The following GRM7 variants were observed in gnomAD, a reference collection of about 807,000 sequenced individuals.
GRM7 encodes the protein glutamate metabotropic receptor 7, also known as metabotropic glutamate receptor 7.
A neutral mutation model predicts 84.5 loss-of-function variants in GRM7; 35 were observed. The observed-to-expected ratio is 0.41, with a 90% CI of 0.32 to 0.55. The LOEUF (loss-of-function observed/expected upper bound fraction) is 0.55, where lower values mean the gene tolerates loss of function less well. Among genes scored for constraint, GRM7 ranks in the 20% least tolerant of loss-of-function variants. The pLI, the probability that GRM7 is intolerant of heterozygous loss-of-function variation, is 0.19. For missense variants in GRM7, 1,003 were observed against 1,194.6 expected (o/e 0.84, Z 2.36); for synonymous variants, 487 against 455.1 (o/e 1.07, Z -0.89).
intron 8 of GRM7, among the ~76,000 whole-genome samples, chr3:7,624,563 T>C (rs749310653): frequency 6.6e-6 from 1 of 152,138 alleles, no homozygotes; most frequent in South Asian, 2.1e-4. Flanking sequence ...AAAATTGTAA[T>C]GTAATGGCAC....
chr3:6,962,358 A>G (rs1426717831), intron 1 of GRM7, among the ~76,000 whole-genome samples: 1 of 152,210 alleles, frequency 6.6e-6, no homozygotes, highest in East Asian at 1.9e-4. Context: ...AGAGCTATGA[A>G]TTATATCTAC....
At chr3:7,566,729 T>A (rs191046305) in intron 7 of GRM7, among the ~76,000 whole-genome samples, 1 of 151,018 alleles carries the variant, frequency 6.6e-6, no homozygotes, top group East Asian at 1.9e-4. Flanking sequence ...TGGTATTTTT[T>A]AAAAAGGCAT....
At position 6,862,436 on chromosome 3, in the gene GRM7, G is replaced by A. The variant is rs1412650173; in HGVS notation, c.519+529G>A. On this transcript the variant is annotated intron_variant, in intron 1 of 9. Transcript: ENST00000357716. The surrounding 1 kb of genome is among the most constrained non-coding windows in gnomAD (Gnocchi z 5.2). ...AGGGCTCCGTCTTAACCTAGATGTG[G>A]ATGTTAAGTCCGCATCTCCCTCGGG... Among the ~76,000 whole-genome samples, 1 of 152,088 alleles carries A rather than the reference G, an allele frequency of 6.6e-6. No individual in the cohort carries two copies. Among genetic ancestry groups the A allele is most frequent in the East Asian group, 2.0e-4 (1 of 5,118 alleles).
At chr3:7,670,935 T>C (rs1485185346) in intron 8 of GRM7, among the ~76,000 whole-genome samples, 1 of 152,138 alleles carries the variant, frequency 6.6e-6, no homozygotes, top group Non-Finnish European at 1.5e-5. Flanking sequence ...CTCTCCAGGA[T>C]AACTATAGGG....
intron 1 of GRM7, among the ~76,000 whole-genome samples, chr3:7,018,665 C>A (rs182589064): frequency 8.5e-5 from 13 of 152,256 alleles, no homozygotes; most frequent in Middle Eastern, 6.8e-3. Context: ...GGAAGCTAGT[C>A]AGAGCAAAGA....
At chr3:7,373,222 A>T (rs1386946572) in intron 4 of GRM7, among the ~76,000 whole-genome samples, 1 of 152,190 alleles carries the variant, frequency 6.6e-6, no homozygotes, top group Non-Finnish European at 1.5e-5. Flanking sequence ...AATCCTATTT[A>T]CTAAGTTTTT....
chr3:7,404,225 T>C (rs1220003568), intron 4 of GRM7, among the ~76,000 whole-genome samples: 1 of 152,202 alleles, frequency 6.6e-6, no homozygotes, highest in Non-Finnish European at 1.5e-5. Flanking sequence ...TCAGTAGTTG[T>C]GGATTGTTAC....
chr3:7,724,238 G>T (rs1232109782), intron 9 of GRM7, among the ~76,000 whole-genome samples: 1 of 152,104 alleles, frequency 6.6e-6, no homozygotes, highest in Non-Finnish European at 1.5e-5. Flanking sequence ...GGACATTTTG[G>T]TTAGTGAGGC....
chr3:6,944,581 A>G (rs1372293679), intron 1 of GRM7, among the ~76,000 whole-genome samples: 1 of 152,088 alleles, frequency 6.6e-6, no homozygotes, highest in Non-Finnish European at 1.5e-5. Flanking sequence ...ATTTCCTTAA[A>G]TTTTGTTGAG....
rs1173329964 is a variant in GRM7, at chr3:7,099,750, TGC to T, written c.520-46701_520-46700del. On this transcript the variant is annotated intron_variant, in intron 1 of 9. Transcript: ENST00000357716. ...TGTATATGTACACGCATTATACATG[TGC>T]ACATACATGTATATGTACACGCATT... 2.9e-3 allele frequency among the ~76,000 whole-genome samples: 227 copies of T among 79,474 alleles called. 87 individuals are homozygous for T. In the African/African-American group the frequency reaches 0.033, roughly 12 times the overall value. 52.1% of individuals were successfully genotyped at this position (79,474 alleles called of 152,430 possible).
chr3:7,574,195 T>C (rs1024151765), intron 7 of GRM7, among the ~76,000 whole-genome samples: 2 of 151,034 alleles, frequency 1.3e-5, no homozygotes, highest in African/African-American at 4.9e-5. Flanking sequence ...AGTTTTGCTG[T>C]GTTGCCCAGG....
At chr3:7,215,593 G>C (rs1018997288) in intron 2 of GRM7, among the ~76,000 whole-genome samples, 3 of 151,754 alleles carry the variant, frequency 2.0e-5, no homozygotes, top group African/African-American at 7.3e-5. Context: ...TGAACCCGGG[G>C]GGCGGAGCTT....
chr3:6,877,064 T>G (rs937193761), intron 1 of GRM7, among the ~76,000 whole-genome samples: 2 of 152,244 alleles, frequency 1.3e-5, no homozygotes, highest in African/African-American at 4.8e-5. Context: ...GGAATTTTCC[T>G]TAATATGGAT....
chr3:7,396,480 C>A (rs1345509337), intron 4 of GRM7, among the ~76,000 whole-genome samples: 3 of 152,170 alleles, frequency 2.0e-5, no homozygotes, highest in Admixed American at 1.3e-4. Context: ...TCATCTTCTG[C>A]ATCTTAAATT....
intron 7 of GRM7, among the ~76,000 whole-genome samples, chr3:7,565,597 G>A (rs1330214153): frequency 6.6e-6 from 1 of 152,210 alleles, no homozygotes; most frequent in Non-Finnish European, 1.5e-5. Flanking sequence ...AGTGAAGCCA[G>A]CTGACGGATA....
chr3:6,941,038 A>G (rs1014428834), intron 1 of GRM7, among the ~76,000 whole-genome samples: 8 of 152,332 alleles, frequency 5.3e-5, no homozygotes, highest in Admixed American at 6.5e-5. Context: ...AGCCTCCATC[A>G]GTCCCTGCCT....
intron 1 of GRM7, among the ~76,000 whole-genome samples, chr3:7,108,007 A>G (rs182987673): frequency 6.6e-6 from 1 of 152,130 alleles, no homozygotes; most frequent in East Asian, 1.9e-4. Flanking sequence ...TTTGAGTGTA[A>G]GCAGAAAAGG....
chr3:7,018,600 G>A (rs1695659966), intron 1 of GRM7, among the ~76,000 whole-genome samples: 2 of 152,244 alleles, frequency 1.3e-5, no homozygotes, highest in South Asian at 2.1e-4. Flanking sequence ...AGCGTAGGAA[G>A]TGAGTGGGGA....
At chr3:7,167,271 G>A (rs1297403237) in intron 2 of GRM7, among the ~76,000 whole-genome samples, 1 of 152,114 alleles carries the variant, frequency 6.6e-6, no homozygotes, top group Non-Finnish European at 1.5e-5. Context: ...ATTCAATTTG[G>A]AAGCTTGCTA....
Sources: gnomAD v4.1 joint callset for allele counts (sites outside exome capture counted in the v4.1 genomes callset) on GRCh38, gnomAD v4.1.1 for gene constraint, Gnocchi (gnomAD v3.1) non-coding constraint, MANE v1.5 for transcripts, NCBI Gene and HGNC (gene_info 2026-07-23, HGNC 2026-07-21) for gene names.